Variants in EVI5 observed in about 807,000 individuals in gnomAD.
The protein encoded by EVI5 is ecotropic viral integration site 5 protein homolog.
In EVI5, 73 loss-of-function variants were observed where a neutral mutation model predicts 112.0. The observed-to-expected ratio is 0.65, with a 90% CI of 0.54 to 0.79. EVI5 has a LOEUF of 0.79. EVI5 is among the 30% of genes least tolerant of loss of function. The probability of loss-of-function intolerance (pLI) is 0.00; values close to 1 mark genes in which losing one functional copy is unlikely to be tolerated. For missense variants in EVI5, 900 were observed against 968.8 expected (o/e 0.93, Z 0.94); for synonymous variants, 305 against 319.9 (o/e 0.95, Z 0.50).
intron 16 of EVI5, among the ~76,000 whole-genome samples, chr1:92,609,343 T>C (rs1273174081): frequency 6.6e-6 from 1 of 152,186 alleles, no homozygotes; most frequent in Non-Finnish European, 1.5e-5. Flanking sequence ...CACACAATCA[T>C]GTCATGTCAT....
chr1:92,590,570 T>C (rs536900310), intron 18 of EVI5, among the ~76,000 whole-genome samples: 1 of 151,466 alleles, frequency 6.6e-6, no homozygotes, highest in Admixed American at 6.6e-5. Context: ...AGAGAAAAAA[T>C]AATAAAAAGA....
intron 1 of EVI5, among the ~76,000 whole-genome samples, chr1:92,741,296 G>A (rs1336118353): frequency 6.6e-6 from 1 of 152,180 alleles, no homozygotes; most frequent in Non-Finnish European, 1.5e-5. Flanking sequence ...CCAAAGGTTG[G>A]CAATGGATGT....
intron 18 of EVI5, among the ~76,000 whole-genome samples, chr1:92,590,901 T>G (rs1323272010): frequency 6.6e-6 from 1 of 152,346 alleles, no homozygotes; most frequent in East Asian, 1.9e-4. Flanking sequence ...CCCATTAGAC[T>G]AACAGCTGAT....
At chr1:92,725,354 GAAT>G (rs1675404493) in intron 2 of EVI5, among the ~76,000 whole-genome samples, 1 of 152,108 alleles carries the variant, frequency 6.6e-6, no homozygotes, top group African/African-American at 2.4e-5. Flanking sequence ...CAGTAGGGGG[GAAT>G]AATAGTCCTA....
intron 1 of EVI5, chr1:92,756,291 C>G: frequency 2.2e-6 from 1 of 462,668 alleles, no homozygotes. Flanking sequence ...GTACACAAAA[C>G]AGATCTTCAC....
intron 19 of EVI5, among the ~76,000 whole-genome samples, chr1:92,515,003 C>T (rs1199402131): frequency 6.6e-6 from 1 of 152,254 alleles, no homozygotes; most frequent in East Asian, 1.9e-4. Context: ...GGGGGGAGTG[C>T]CAGTCCGGTA....
intron 19 of EVI5, among the ~76,000 whole-genome samples, chr1:92,552,618 T>C (rs571495901): frequency 2.1e-4 from 32 of 152,310 alleles, no homozygotes; most frequent in African/African-American, 7.5e-4. Context: ...ATATATCCCT[T>C]GAAGATATTT....
intron 18 of EVI5, among the ~76,000 whole-genome samples, chr1:92,564,344 G>A (rs192302196): frequency 5.9e-5 from 9 of 152,122 alleles, no homozygotes; most frequent in Non-Finnish European, 7.4e-5. Context: ...TATTCATACC[G>A]TAAGGGATTC....
chr1:92,645,689 C>T (rs992559037), intron 13 of EVI5, among the ~76,000 whole-genome samples: 1 of 152,046 alleles, frequency 6.6e-6, no homozygotes, highest in Non-Finnish European at 1.5e-5. Context: ...ATATCACATC[C>T]CCAAATCATA....
chr1:92,538,742 T>C (rs1290751643), intron 19 of EVI5, among the ~76,000 whole-genome samples: 1 of 152,064 alleles, frequency 6.6e-6, no homozygotes, highest in East Asian at 1.9e-4. Context: ...AGGAGGAAGA[T>C]GATGATGTTC....
At chr1:92,689,904 T>G (rs1403614022) in intron 9 of EVI5, among the ~76,000 whole-genome samples, 5 of 152,154 alleles carry the variant, frequency 3.3e-5, no homozygotes, top group African/African-American at 1.2e-4. Context: ...TTTGTTTTGT[T>G]TAAGAGAGAG....
chr1:92,620,539 T>C (rs559303840), intron 16 of EVI5, among the ~76,000 whole-genome samples: 1 of 151,466 alleles, frequency 6.6e-6, no homozygotes, highest in South Asian at 2.1e-4. Context: ...AAAAATACAT[T>C]ACATGTTGAG....
At chr1:92,544,904 A>G (rs1453954545) in intron 19 of EVI5, among the ~76,000 whole-genome samples, 1 of 152,170 alleles carries the variant, frequency 6.6e-6, no homozygotes, top group Non-Finnish European at 1.5e-5. Flanking sequence ...ACTGACCACA[A>G]TAACTTAAAT....
chr1:92,616,388 G>A (rs1359894743), intron 16 of EVI5, among the ~76,000 whole-genome samples: 1 of 152,086 alleles, frequency 6.6e-6, no homozygotes, highest in Non-Finnish European at 1.5e-5. Flanking sequence ...TGAGGTGCCG[G>A]GGCCAAGTGG....
At chr1:92,605,224 G>T (rs1557883132) in intron 18 of EVI5, 83 bp downstream of exon 18, 4 of 918,018 alleles carry the variant, frequency 4.4e-6, no homozygotes, top group Non-Finnish European at 6.9e-6. Flanking sequence ...ACAGTCACGA[G>T]GATAAAGAGT....
At chr1:92,675,554 G>T (rs1666591541) in intron 10 of EVI5, among the ~76,000 whole-genome samples, 1 of 151,804 alleles carries the variant, frequency 6.6e-6, no homozygotes, top group Non-Finnish European at 1.5e-5. Flanking sequence ...TTCTTGATTT[G>T]CAGTTCCGAA....
chr1:92,770,086 C>A (rs961728244), intron 1 of EVI5, among the ~76,000 whole-genome samples: 24 of 152,146 alleles, frequency 1.6e-4, no homozygotes, highest in African/African-American at 5.6e-4. Flanking sequence ...AGGAACGCAG[C>A]TCGAGAAGCT....
chr1:92,578,766 A>G (rs1019702759), intron 18 of EVI5, among the ~76,000 whole-genome samples: 1 of 151,984 alleles, frequency 6.6e-6, no homozygotes, highest in East Asian at 1.9e-4. Context: ...TAAGTAACTT[A>G]TCAAGGACCA....
intron 2 of EVI5, among the ~76,000 whole-genome samples, chr1:92,734,157 C>T (rs1676952156): frequency 6.6e-6 from 1 of 152,160 alleles, no homozygotes; most frequent in Non-Finnish European, 1.5e-5. Context: ...ATTCAATCTC[C>T]TAATTTTTGC....
Sources: gnomAD v4.1 joint callset for allele counts (sites outside exome capture counted in the v4.1 genomes callset) on GRCh38, gnomAD v4.1.1 for gene constraint, MANE v1.5 for transcripts, NCBI Gene and HGNC (gene_info 2026-07-23, HGNC 2026-07-21) for gene names.